AZGP1: variants seen among roughly 807,000 people sequenced by gnomAD.
AZGP1 encodes the protein alpha-2-glycoprotein 1, zinc-binding, also known as zinc-alpha-2-glycoprotein.
In AZGP1, 28 loss-of-function variants were observed where a neutral mutation model predicts 31.5. The observed-to-expected ratio is 0.89, with a 90% CI of 0.66 to 1.22. The LOEUF (loss-of-function observed/expected upper bound fraction) is 1.22. AZGP1 is among the 50% of genes most tolerant of loss of function. The pLI is 0.00. For synonymous variants in AZGP1, 135 were observed against 145.4 expected (o/e 0.93, Z 0.51); for missense variants, 361 against 371.8 (o/e 0.97, Z 0.24).
At position 99,971,840 on chromosome 7, in the gene AZGP1, C is replaced by T. The variant is rs2115685398; in HGVS notation, c.243G>A (p.Glu81=). ...GAAGTTGGCTGTCCTGCTTCCAATC[C>T]TCCATTCCTTCCACCTGTCTCCAGA... ...MGLWRQVEGM[E]DWKQDSQLQK... is the part of the protein sequence containing the mutation. Residue 81 remains glutamate, a synonymous_variant, in exon 2 of 4, where the codon GAG becomes GAA. Transcript: ENST00000292401. 3 of 1,614,150 alleles carry T rather than the reference C, an allele frequency of 1.9e-6. No individual in the cohort carries two copies. Among genetic ancestry groups the T allele is most frequent in the East Asian group, 4.5e-5 (2 of 44,886 alleles).
Position 99,968,589 on chromosome 7 carries a change from T to C in AZGP1, c.338-159A>G, listed in dbSNP as rs572064113. On this transcript the variant is annotated intron_variant, in intron 2 of 3. Transcript: ENST00000292401. ...CAAGACAAATAGGTTATTACTCCAA[T>C]ATATACAACAGACAGAGAGGGGCTA... 38 of 892,568 alleles carry C rather than the reference T, an allele frequency of 4.3e-5. 1 individual carries two copies. In the African/African-American group the frequency reaches 5.7e-4, roughly 13 times the overall value. The allele number at this position is 892,568 out of a possible 1,614,324, so 55.3% of individuals were successfully genotyped here. A position where few individuals can be genotyped will look rare whatever the true frequency, so the allele number is the denominator to read the frequency against.
At chr7:99,967,573 C>T (rs541262875) in intron 3 of AZGP1, 6 of 509,186 alleles carry the variant, frequency 1.2e-5, no homozygotes, top group African/African-American at 1.2e-4. Flanking sequence ...AGTTCTGTCC[C>T]CCAGTCTCAG....
At chr7:99,974,718 T>C (rs2115691832) in intron 1 of AZGP1, among the ~76,000 whole-genome samples, 1 of 152,340 alleles carries the variant, frequency 6.6e-6, no homozygotes, top group East Asian at 1.9e-4. Context: ...ATGATGTGAT[T>C]ATTTCACATT....
rs944612031 is a variant in AZGP1, at chr7:99,966,772, T to A, written c.*231A>T. On this transcript the variant is annotated 3_prime_UTR_variant, in exon 4 of 4. Coordinates refer to ENST00000292401, the MANE Select transcript of AZGP1 (RefSeq NM_001185.4). ...TGATTATTTATTAGCTTCTACAGAT[T>A]AGACAATGGGGTGGGGGTGGGCTCA... 4 of 592,580 alleles carry A rather than the reference T, an allele frequency of 6.8e-6. No individual in the cohort carries two copies. The highest frequency in any genetic ancestry group is 6.7e-5 in the Admixed American group (2 of 30,034). 36.7% of individuals were successfully genotyped at this position (592,580 alleles called of 1,614,324 possible). A position where few individuals can be genotyped will look rare whatever the true frequency, so the allele number is the denominator to read the frequency against.
chr7:99,966,837 G>A lies in AZGP1; in HGVS notation c.*166C>T, dbSNP rs1584298005. Reference sequence around the variant, plus strand: ...TTTGGGTCCAAGTCTACTCAAGACAGGCATCCCAGTCTTCGGTCTCCAAAT... The same window carrying A: ...TTTGGGTCCAAGTCTACTCAAGACAAGCATCCCAGTCTTCGGTCTCCAAAT... On this transcript the variant is annotated 3_prime_UTR_variant, in exon 4 of 4. Transcript: ENST00000292401. 7.6e-6 allele frequency: 8 copies of A among 1,059,102 alleles called. No homozygotes were observed. Among genetic ancestry groups the A allele is most frequent in the Non-Finnish European group, 1.1e-5 (8 of 738,032 alleles). 65.6% of individuals were successfully genotyped at this position (1,059,102 alleles called of 1,614,324 possible).
At position 99,966,965 on chromosome 7, in the gene AZGP1, T is replaced by C; in HGVS notation, c.*38A>G. On this transcript the variant is annotated 3_prime_UTR_variant, in exon 4 of 4. Coordinates refer to ENST00000292401, the MANE Select transcript of AZGP1 (RefSeq NM_001185.4). Reference sequence around the variant, plus strand: ...CACATCAGGCAGGAAGGGCAGCTACTGGGTCTGAGATCCCACATTGCCTCC... The same window carrying C: ...CACATCAGGCAGGAAGGGCAGCTACCGGGTCTGAGATCCCACATTGCCTCC... 6.3e-7 allele frequency: 1 copy of C among 1,597,530 alleles called. No individual in the cohort carries two copies. The highest frequency in any genetic ancestry group is 8.5e-7 in the Non-Finnish European group (1 of 1,170,168).
chr7:99,971,682 C>T (rs1789578997), intron 2 of AZGP1, 64 bp downstream of exon 2: 3 of 1,549,734 alleles, frequency 1.9e-6, no homozygotes, highest in Admixed American at 1.8e-5. Flanking sequence ...TCCCTTGCCA[C>T]TCACACTGGG....
At chr7:99,971,647 AT>A in intron 2 of AZGP1, 98 bp downstream of exon 2, 1 of 1,413,832 alleles carries the variant, frequency 7.1e-7, no homozygotes, top group South Asian at 1.3e-5. Context: ...TTCCCCTGGG[AT>A]TGGGACTATT....
intron 3 of AZGP1, 68 bp from the exon 4 acceptor site, chr7:99,967,354 C>A: frequency 6.6e-7 from 1 of 1,520,374 alleles, no homozygotes; most frequent in Non-Finnish European, 8.9e-7. Flanking sequence ...TCTCTTCCTA[C>A]CCCCACCCCT....
chr7:99,975,721 G>A (rs1008064019), intron 1 of AZGP1, among the ~76,000 whole-genome samples: 2 of 152,162 alleles, frequency 1.3e-5, no homozygotes, highest in African/African-American at 4.8e-5. Context: ...TGTAAACTAG[G>A]GGTTTTAGAT....
Position 99,966,934 on chromosome 7 carries a change from A to G in AZGP1, c.*69T>C. ...CCATTGACTGTGATTTCTGTGGTTC[A>G]GCTCCCACATCAGGCAGGAAGGGCA... is the stretch of plus-strand genomic sequence containing the variant. On this transcript the variant is annotated 3_prime_UTR_variant, in exon 4 of 4. Coordinates refer to ENST00000292401, the MANE Select transcript of AZGP1 (RefSeq NM_001185.4). The G allele has an allele frequency of 6.4e-7, 1 of 1,554,418 alleles. No homozygotes were observed. The highest frequency in any genetic ancestry group is 1.2e-5 in the South Asian group (1 of 82,358).
Position 99,966,995 on chromosome 7 carries a change from C to G in AZGP1, c.*8G>C, listed in dbSNP as rs1248279989. 3 of 1,611,964 alleles carry G rather than the reference C, an allele frequency of 1.9e-6. No individual in the cohort carries two copies. The highest frequency in any genetic ancestry group is 2.5e-6 in the Non-Finnish European group (3 of 1,178,484). ...CTGAGATCCCACATTGCCTCCAACC[C>G]TTGCTTCCTAGCTGGCCTCCCAGGG... On this transcript the variant is annotated 3_prime_UTR_variant, in exon 4 of 4. Transcript: ENST00000292401.
chr7:99,973,268 G>C (rs901715611), intron 1 of AZGP1, among the ~76,000 whole-genome samples: 6 of 152,182 alleles, frequency 3.9e-5, no homozygotes, highest in African/African-American at 1.4e-4. Flanking sequence ...TCCCGGGGTT[G>C]TACCTTGCAT....
chr7:99,966,784 TG>T lies in AZGP1; in HGVS notation c.*218del. ...AGCTTCTACAGATTAGACAATGGGG[TG>T]GGGGTGGGCTCAAGGTGAGATGATT... On this transcript the variant is annotated 3_prime_UTR_variant, in exon 4 of 4. Coordinates refer to ENST00000292401, the MANE Select transcript of AZGP1 (RefSeq NM_001185.4). The T allele has an allele frequency of 3.8e-6, 2 of 521,626 alleles. No homozygotes were observed. Among genetic ancestry groups the T allele is most frequent in the Non-Finnish European group, 3.2e-6 (1 of 314,078 alleles). 32.3% of individuals were successfully genotyped at this position (521,626 alleles called of 1,614,324 possible). A position where few individuals can be genotyped will look rare whatever the true frequency, so the allele number is the denominator to read the frequency against.
intron 2 of AZGP1, among the ~76,000 whole-genome samples, chr7:99,970,993 G>A (rs573625892): frequency 5.9e-5 from 9 of 152,166 alleles, no homozygotes; most frequent in Non-Finnish European, 1.2e-4. Context: ...TAGCGCAGGT[G>A]GCCCTTCCTG....
rs780014993 is a variant in AZGP1, at chr7:99,966,988, T to C, written c.*15A>G. 2.9e-5 allele frequency: 47 copies of C among 1,610,982 alleles called. No homozygotes were observed. The highest frequency in any genetic ancestry group is 1.7e-4 in the Middle Eastern group (1 of 6,034). ...ACTGGGTCTGAGATCCCACATTGCC[T>C]CCAACCCTTGCTTCCTAGCTGGCCT... On this transcript the variant is annotated 3_prime_UTR_variant, in exon 4 of 4. Coordinates refer to ENST00000292401, the MANE Select transcript of AZGP1 (RefSeq NM_001185.4).
intron 2 of AZGP1, among the ~76,000 whole-genome samples, chr7:99,971,205 A>G (rs968471866): frequency 3.3e-5 from 5 of 152,222 alleles, no homozygotes; most frequent in African/African-American, 1.2e-4. Flanking sequence ...GGAGATCAGG[A>G]CAGACTGTGA....
In AZGP1 at chr7:99,968,431, C is replaced by G. The variant is rs1420421128; in HGVS notation, c.338-1G>C. 1.2e-6 allele frequency: 2 copies of G among 1,613,440 alleles called. No homozygotes were observed. Among genetic ancestry groups the G allele is most frequent in the Non-Finnish European group, 1.7e-6 (2 of 1,179,882 alleles). Reference sequence around the variant, plus strand: ...AACCTTCCCTGCAATACGTGAGACCCTGAAAACTCCCCCGACCCCACAGAG... The same window carrying G: ...AACCTTCCCTGCAATACGTGAGACCGTGAAAACTCCCCCGACCCCACAGAG... On this transcript the variant is annotated splice_acceptor_variant, in intron 2 of 3. Transcript: ENST00000292401. LOFTEE classifies it high-confidence loss of function.
At chr7:99,967,894 C>G in intron 3 of AZGP1, 1 of 605,434 alleles carries the variant, frequency 1.7e-6, no homozygotes, top group South Asian at 2.1e-5. Flanking sequence ...AGCTCCTTGT[C>G]TGTTAATTGG....
Sources: allele counts gnomAD v4.1 joint callset (sites outside exome capture counted in the v4.1 genomes callset), GRCh38; gene constraint gnomAD v4.1.1; transcripts MANE v1.5; gene names NCBI Gene and HGNC (gene_info 2026-07-23, HGNC 2026-07-21).